The following ROBO1 variants were observed in gnomAD, a reference collection of about 807,000 sequenced individuals.
ROBO1 encodes the protein roundabout guidance receptor 1.
A neutral mutation model predicts 195.9 loss-of-function variants in ROBO1; 149 were observed. The ratio of observed to expected loss-of-function variants is 0.76; its 90% CI spans 0.67 to 0.87. The LOEUF (loss-of-function observed/expected upper bound fraction) is 0.87, where lower values mean the gene tolerates loss of function less well. Ranked by LOEUF, ROBO1 falls within the 40% of genes least tolerant of loss-of-function variation. ROBO1 has a pLI of 0.00. For missense variants in ROBO1, 1,933 were observed against 2,068.3 expected, an observed-to-expected ratio of 0.93 and a Z score of 1.27; for synonymous variants, 816 against 733.2, an observed-to-expected ratio of 1.11 and a Z score of -1.82.
At chr3:79,748,306 G>A (rs190270536) in intron 1 of ROBO1, among the ~76,000 whole-genome samples, 7 of 152,068 alleles carry the variant, frequency 4.6e-5, no homozygotes, top group African/African-American at 4.8e-5. Flanking sequence ...CAAAAGGGAC[G>A]CTTGTGAAAT....
At chr3:79,315,875 T>C (rs1431089719) in intron 2 of ROBO1, among the ~76,000 whole-genome samples, 1 of 152,008 alleles carries the variant, frequency 6.6e-6, no homozygotes, top group East Asian at 1.9e-4. Flanking sequence ...TCAGCAGAGA[T>C]CCATGGAATG....
At chr3:79,301,036 C>T (rs564656107) in intron 2 of ROBO1, among the ~76,000 whole-genome samples, 10 of 152,232 alleles carry the variant, frequency 6.6e-5, no homozygotes, top group Non-Finnish European at 1.2e-4. Context: ...CTGCCCGAGC[C>T]AGCAGTGGCA....
chr3:78,710,411 A>T (rs2081654672), intron 8 of ROBO1, among the ~76,000 whole-genome samples: 1 of 152,196 alleles, frequency 6.6e-6, no homozygotes, highest in South Asian at 2.1e-4. Flanking sequence ...AGTACTTCAG[A>T]TTCTTCATTT....
chr3:78,636,409 G>T (rs931867834), intron 22 of ROBO1, among the ~76,000 whole-genome samples: 1 of 151,864 alleles, frequency 6.6e-6, no homozygotes, highest in Admixed American at 6.6e-5. Flanking sequence ...TCATTAATAG[G>T]AATTCCACTA....
chr3:78,760,517 G>A (rs1197359018), intron 4 of ROBO1, among the ~76,000 whole-genome samples: 1 of 152,070 alleles, frequency 6.6e-6, no homozygotes, highest in African/African-American at 2.4e-5. Context: ...CTATTATAAT[G>A]GGAGCTACAA....
chr3:79,514,224 A>G (rs770734848), intron 2 of ROBO1, among the ~76,000 whole-genome samples: 1 of 152,204 alleles, frequency 6.6e-6, no homozygotes, highest in Non-Finnish European at 1.5e-5. Flanking sequence ...TTGGAAAGCC[A>G]GGGGAAGATT....
intron 2 of ROBO1, among the ~76,000 whole-genome samples, chr3:79,413,960 G>T (rs2037889497): frequency 6.6e-6 from 1 of 151,962 alleles, no homozygotes; most frequent in South Asian, 2.1e-4. Context: ...ATCATACCAA[G>T]AAACTTTCCA....
At chr3:79,710,593 TGAAG>T (rs1560120803) in intron 1 of ROBO1, among the ~76,000 whole-genome samples, 1 of 152,154 alleles carries the variant, frequency 6.6e-6, no homozygotes, top group Non-Finnish European at 1.5e-5. Flanking sequence ...GTTATGACCC[TGAAG>T]GAAGGTTTGA....
chr3:79,550,619 A>C (rs1942475995), intron 2 of ROBO1, among the ~76,000 whole-genome samples: 1 of 152,200 alleles, frequency 6.6e-6, no homozygotes, highest in South Asian at 2.1e-4. Context: ...CATATGTTTA[A>C]AAATTTTAGT....
intron 3 of ROBO1, among the ~76,000 whole-genome samples, chr3:78,970,397 G>T (rs1267943276): frequency 6.6e-6 from 1 of 151,998 alleles, no homozygotes. Flanking sequence ...CTACACTGCA[G>T]GGTGATATAA....
intron 2 of ROBO1, among the ~76,000 whole-genome samples, chr3:79,269,460 G>A (rs1030684993): frequency 5.9e-5 from 9 of 151,530 alleles, no homozygotes; most frequent in Non-Finnish European, 1.3e-4. Flanking sequence ...TTTTTTACTA[G>A]TTGGGGACAA....
chr3:79,564,823 A>T (rs944667499), intron 2 of ROBO1, among the ~76,000 whole-genome samples: 1 of 152,082 alleles, frequency 6.6e-6, no homozygotes, highest in Non-Finnish European at 1.5e-5. Flanking sequence ...AAAGGAACTT[A>T]TCAAATAATA....
chr3:79,617,444 T>C (rs911035608), intron 1 of ROBO1, among the ~76,000 whole-genome samples: 1 of 152,038 alleles, frequency 6.6e-6, no homozygotes, highest in African/African-American at 2.4e-5. Flanking sequence ...CAAAAAACCA[T>C]ACACAGAAAT....
intron 26 of ROBO1, among the ~76,000 whole-genome samples, chr3:78,620,859 A>G (rs546161985): frequency 7.0e-6 from 1 of 142,046 alleles, no homozygotes; most frequent in East Asian, 2.1e-4. Context: ...CACATATATA[A>G]GTGTAAATAT....
intron 3 of ROBO1, among the ~76,000 whole-genome samples, chr3:79,050,733 T>G (rs940477638): frequency 1.3e-5 from 2 of 151,996 alleles, no homozygotes; most frequent in Admixed American, 6.6e-5. Flanking sequence ...TGCAATCAAA[T>G]TAGAACTCAG....
At chr3:79,016,662 A>T (rs1046897374) in intron 3 of ROBO1, among the ~76,000 whole-genome samples, 1 of 152,206 alleles carries the variant, frequency 6.6e-6, no homozygotes, top group Non-Finnish European at 1.5e-5. Flanking sequence ...TTTAATCTAC[A>T]GCCATGATAA....
intron 2 of ROBO1, among the ~76,000 whole-genome samples, chr3:79,396,031 C>G (rs1271806811): frequency 6.6e-6 from 1 of 152,098 alleles, no homozygotes; most frequent in Non-Finnish European, 1.5e-5. Context: ...TGAGATACCT[C>G]TTTGGCAAAA....
intron 21 of ROBO1, 80 bp downstream of exon 21, chr3:78,646,068 A>C: frequency 4.1e-6 from 5 of 1,224,346 alleles, no homozygotes; most frequent in South Asian, 1.3e-5. Context: ...CTTTTTAAGC[A>C]GAGAAAGTGG....
chr3:79,370,673 TTA>T (rs555338370), intron 2 of ROBO1, among the ~76,000 whole-genome samples: 6 of 151,262 alleles, frequency 4.0e-5, no homozygotes, highest in African/African-American at 1.2e-4. Flanking sequence ...TAATAATGTA[TTA>T]TATATATATT....
Sources: allele counts gnomAD v4.1 joint callset (sites outside exome capture counted in the v4.1 genomes callset), GRCh38; gene constraint gnomAD v4.1.1; transcripts MANE v1.5; gene names NCBI Gene and HGNC (gene_info 2026-07-23, HGNC 2026-07-21).